FTO: variants seen among roughly 807,000 people sequenced by gnomAD.
FTO encodes the protein alpha-ketoglutarate-dependent dioxygenase FTO.
Under a neutral mutation model 63.9 loss-of-function variants are expected in FTO, and 47 were observed. The ratio of observed to expected loss-of-function variants is 0.74; its 90% confidence interval spans 0.58 to 0.94. FTO has a LOEUF of 0.94. Ranked by LOEUF, FTO falls within the 40% of genes least tolerant of loss-of-function variation. The pLI is 0.00. For synonymous variants in FTO, 207 were observed against 224.4 expected (o/e 0.92, Z 0.69); for missense variants, 562 against 618.1 (o/e 0.91, Z 0.96).
intron 8 of FTO, among the ~76,000 whole-genome samples, chr16:54,081,524 A>G (rs1471921918): frequency 6.6e-6 from 1 of 152,150 alleles, no homozygotes; most frequent in African/African-American, 2.4e-5. Context: ...GTGTATCTAA[A>G]TAGACACTGG....
chr16:54,031,434 G>A (rs12051239), intron 8 of FTO, among the ~76,000 whole-genome samples: 39,937 of 151,976 alleles, frequency 0.26, 6,095 homozygotes, highest in East Asian at 0.46. Flanking sequence ...AGGAAATTTG[G>A]TGGGCTTGGG....
In FTO at chr16:54,099,530, G is replaced by C. The variant is rs1196497739; in HGVS notation, c.1365-12232G>C. ...TTGACCTTTATATTGTTACCTTTGG[G>C]CAGGTAGAAGTCATGCAAGTTTCGG... On this transcript the variant is annotated intron_variant, in intron 8 of 8. Coordinates refer to ENST00000471389, the MANE Select transcript of FTO (RefSeq NM_001080432.3). Among the ~76,000 whole-genome samples, 4 of 152,128 alleles carry C rather than the reference G, an allele frequency of 2.6e-5. No homozygotes were observed. The South Asian group carries it at 8.3e-4, about 31-fold the overall frequency.
Position 54,115,124 on chromosome 16 carries a change from C to T in FTO, c.*3209C>T, listed in dbSNP as rs959845899. 1 of 152,182 alleles carries T rather than the reference C, an allele frequency of 6.6e-6. No homozygotes were observed. Among genetic ancestry groups the T allele is most frequent in the South Asian group, 2.1e-4 (1 of 4,832 alleles). The allele number at this position is 152,182 out of a possible 1,614,324, so 9.4% of individuals were successfully genotyped here. ...GGCCCAGAAATCGCACCCTTCTCCC[C>T]ATGTGTGCGGATAAGGGACCACTTC... On this transcript the variant is annotated 3_prime_UTR_variant, in exon 9 of 9. Coordinates refer to ENST00000471389, the MANE Select transcript of FTO (RefSeq NM_001080432.3).
intron 6 of FTO, chr16:53,886,821 C>T (rs1020505234): frequency 6.6e-6 from 1 of 152,090 alleles, no homozygotes; most frequent in Non-Finnish European, 1.5e-5. Flanking sequence ...GATAAACACA[C>T]AAAAAAATTC....
intron 8 of FTO, among the ~76,000 whole-genome samples, chr16:54,008,252 T>C (rs1346318196): frequency 6.6e-6 from 1 of 152,196 alleles, no homozygotes; most frequent in Non-Finnish European, 1.5e-5. Flanking sequence ...TGAAAACTAA[T>C]GAACCCACCG....
intron 1 of FTO, among the ~76,000 whole-genome samples, chr16:53,737,070 T>C (rs2151527203): frequency 6.6e-6 from 1 of 152,306 alleles, no homozygotes; most frequent in Middle Eastern, 3.4e-3. Context: ...GGTGAGTCCT[T>C]GGAAGGCAGG....
intron 8 of FTO, among the ~76,000 whole-genome samples, chr16:53,944,316 G>T (rs1176240987): frequency 6.6e-6 from 1 of 152,298 alleles, no homozygotes. Context: ...CTCCTTAAGT[G>T]TTCTCATAAG....
intron 7 of FTO, among the ~76,000 whole-genome samples, chr16:53,925,955 TCTGTCTCTCTCTGG>T (rs1404821640): frequency 6.6e-6 from 1 of 151,904 alleles, no homozygotes; most frequent in African/African-American, 2.4e-5. Context: ...AGTCTCTCTC[TCTGTCTCTCTCTGG>T]CTGTGGATTT....
At chr16:53,932,553 C>A (rs1254922748) in intron 7 of FTO, among the ~76,000 whole-genome samples, 1 of 151,988 alleles carries the variant, frequency 6.6e-6, no homozygotes, top group African/African-American at 2.4e-5. Context: ...CCACGCCTGG[C>A]AAATTTTTGT....
intron 7 of FTO, among the ~76,000 whole-genome samples, chr16:53,915,392 T>C (rs2081838729): frequency 6.6e-6 from 1 of 152,166 alleles, no homozygotes; most frequent in African/African-American, 2.4e-5. Context: ...CCTCCCAGCT[T>C]CTGTATGGTG....
rs1555502652 is a variant in FTO, at chr16:54,018,384, T to TAGATA, written c.1364+84275_1364+84276insAGATA. Among the ~76,000 whole-genome samples the TAGATA allele has an allele frequency of 2.3e-3, 213 of 93,440 alleles. 1 individual carries two copies. Among genetic ancestry groups the TAGATA allele is most frequent in the African/African-American group, 0.014 (205 of 15,076 alleles). The allele number at this position is 93,440 out of a possible 152,430, so 61.3% of individuals were successfully genotyped here. ...CATGGTTATAGCTTAGATAGATAGA[T>TAGATA]GATAGATAGATAGATAGATAGATAG... is the stretch of plus-strand genomic sequence containing the variant. On this transcript the variant is annotated intron_variant, in intron 8 of 8. Transcript: ENST00000471389.
intron 8 of FTO, among the ~76,000 whole-genome samples, chr16:54,103,223 C>G (rs1014646123): frequency 2.0e-5 from 3 of 152,096 alleles, no homozygotes; most frequent in Admixed American, 2.0e-4. Flanking sequence ...TGTTGGTATT[C>G]AAAAGCACTT....
At chr16:53,972,520 TGGTA>T (rs2083348183) in intron 8 of FTO, among the ~76,000 whole-genome samples, 1 of 152,176 alleles carries the variant, frequency 6.6e-6, no homozygotes, top group African/African-American at 2.4e-5. Flanking sequence ...GACAATAAAT[TGGTA>T]ATAATATGTA....
At chr16:53,920,701 GT>G (rs2081987741) in intron 7 of FTO, among the ~76,000 whole-genome samples, 1 of 152,142 alleles carries the variant, frequency 6.6e-6, no homozygotes, top group African/African-American at 2.4e-5. Context: ...TTGTGCCTCA[GT>G]TTTTTCATCT....
chr16:53,824,420 C>T (rs936647750), intron 2 of FTO, among the ~76,000 whole-genome samples: 1 of 152,166 alleles, frequency 6.6e-6, no homozygotes, highest in African/African-American at 2.4e-5. Context: ...AAGATCTCAG[C>T]TTAAATCCCG....
intron 8 of FTO, among the ~76,000 whole-genome samples, chr16:54,099,109 G>A (rs1348936634): frequency 6.6e-6 from 1 of 152,154 alleles, no homozygotes; most frequent in African/African-American, 2.4e-5. Context: ...CGGAGAGACC[G>A]TATTCTGTGG....
chr16:53,858,041 A>G (rs1160562880), intron 4 of FTO, among the ~76,000 whole-genome samples: 2 of 152,224 alleles, frequency 1.3e-5, no homozygotes, highest in African/African-American at 4.8e-5. Flanking sequence ...TATTAATTTT[A>G]TATAAACAAA....
In FTO at chr16:53,916,300, A is replaced by G. The variant is rs139926561; in HGVS notation, c.1240-17685A>G. Among the ~76,000 whole-genome samples the G allele has an allele frequency of 3.7e-3, 565 of 152,262 alleles. 6 individuals carry two copies. The highest frequency in any genetic ancestry group is 0.012 in the African/African-American group (515 of 41,540). On this transcript the variant is annotated intron_variant, in intron 7 of 8. Transcript: ENST00000471389. ...AGACTGATGCCTATTACTGCTTATGATGAAGGGTACCACTATCCGGTTCAT... is the reference window on the plus strand; with the variant it reads ...AGACTGATGCCTATTACTGCTTATGGTGAAGGGTACCACTATCCGGTTCAT...
chr16:53,726,173 A>AAT (rs2076148805), intron 1 of FTO, among the ~76,000 whole-genome samples: 1 of 68,102 alleles, frequency 1.5e-5, no homozygotes, highest in African/African-American at 9.1e-5. Context: ...CGATTTTATA[A>AAT]ACACTCTAAA....
Sources: gnomAD v4.1 joint callset for allele counts (sites outside exome capture counted in the v4.1 genomes callset) on GRCh38, gnomAD v4.1.1 for gene constraint, MANE v1.5 for transcripts, NCBI Gene and HGNC (gene_info 2026-07-23, HGNC 2026-07-21) for gene names.